Variants in WDR41 observed in about 807,000 individuals in gnomAD.
The protein encoded by WDR41 is WD repeat-containing protein 41.
A neutral mutation model predicts 69.3 loss-of-function variants in WDR41; 63 were observed. The ratio of observed to expected loss-of-function variants is 0.91; its 90% CI spans 0.74 to 1.12. The LOEUF (loss-of-function observed/expected upper bound fraction) is 1.12. WDR41 is among the 50% of genes most tolerant of loss of function. The probability of loss-of-function intolerance (pLI) is 0.00; values close to 1 mark genes in which losing one functional copy is unlikely to be tolerated. For missense variants in WDR41, 543 were observed against 534.5 expected (o/e 1.02, Z -0.16); for synonymous variants, 185 against 192.1 (o/e 0.96, Z 0.31).
Position 77,440,912 on chromosome 5 carries a change from G to C in WDR41, c.783C>G (p.Asn261Lys). The C allele has an allele frequency of 6.2e-7, 1 of 1,614,162 alleles. No individual in the cohort carries two copies. The highest frequency in any genetic ancestry group is 8.5e-7 in the Non-Finnish European group (1 of 1,180,032). ...LDWTMQAYER[N>K]FWDPSPQLDT... ...CCAGTTGTGGAGATGGGTCCCAGAAGTTGCGTTCATAGGCCTGCATGGTCC... is the reference window on the plus strand; with the variant it reads ...CCAGTTGTGGAGATGGGTCCCAGAACTTGCGTTCATAGGCCTGCATGGTCC... Residue 261 changes from asparagine (N) to lysine (K), a missense_variant, in exon 9 of 13, where the codon AAC becomes AAG. By Grantham distance (94) the Asn-to-Lys change is moderately conservative. Transcript: ENST00000296679.
chr5:77,449,847 T>C lies in WDR41; in HGVS notation c.610A>G (p.Thr204Ala), dbSNP rs771868607. The change falls in exon 8 of 13, where the codon ACA (threonine) becomes GCA (alanine). Residue 204 changes from threonine (T) to alanine (A), a missense_variant. Transcript: ENST00000296679. ...ELIIFRLVAP[T>A]EGSLEWDILE... Reference sequence around the variant, plus strand: ...ATATCCCATTCTAGTGATCCTTCTGTGGGTGCTACCAACCTGAAAATTACT... The same window carrying C: ...ATATCCCATTCTAGTGATCCTTCTGCGGGTGCTACCAACCTGAAAATTACT... The C allele has an allele frequency of 1.9e-6, 3 of 1,613,364 alleles. No homozygotes were observed. Among genetic ancestry groups the C allele is most frequent in the Non-Finnish European group, 2.5e-6 (3 of 1,179,450 alleles).
In WDR41 at chr5:77,481,700, G is replaced by A. The variant is rs558372353; in HGVS notation, c.167+7757C>T. Reference sequence around the variant, plus strand: ...CTCGGGAGGCTGAGGCAGAAGAATCGCTTGAACCTGGGAAGCGGTGGTTGG... The same window carrying A: ...CTCGGGAGGCTGAGGCAGAAGAATCACTTGAACCTGGGAAGCGGTGGTTGG... On this transcript the variant is annotated intron_variant, in intron 2 of 12. Transcript: ENST00000296679. Among the ~76,000 whole-genome samples, 366 of 147,734 alleles carry A rather than the reference G, an allele frequency of 2.5e-3. 3 individuals are homozygous for A. The highest frequency in any genetic ancestry group is 8.6e-3 in the African/African-American group (343 of 39,858).
At chr5:77,558,166 T>C (rs1743449016) in intron 1 of WDR41, among the ~76,000 whole-genome samples, 1 of 150,066 alleles carries the variant, frequency 6.7e-6, no homozygotes, top group African/African-American at 2.5e-5. Context: ...ATTCTTCAAA[T>C]GTTAATATAT....
intron 1 of WDR41, among the ~76,000 whole-genome samples, chr5:77,603,815 A>G (rs1014073920): frequency 6.6e-6 from 1 of 152,162 alleles, no homozygotes; most frequent in Non-Finnish European, 1.5e-5. Flanking sequence ...TCTTAGTACC[A>G]TTTATTGAAG....
chr5:77,519,127 G>A (rs1802334862), intron 1 of WDR41, among the ~76,000 whole-genome samples: 1 of 151,890 alleles, frequency 6.6e-6, no homozygotes, highest in South Asian at 2.1e-4. Flanking sequence ...ATTCAATAAT[G>A]AATTACTGTA....
chr5:77,499,580 C>T (rs1801987455), intron 1 of WDR41: 1 of 152,174 alleles, frequency 6.6e-6, no homozygotes, highest in Non-Finnish European at 1.5e-5. Flanking sequence ...CAAACCCAGA[C>T]CTGTTTTTTC....
chr5:77,496,184 G>A (rs537591697), upstream of WDR41, among the ~76,000 whole-genome samples: 1 of 152,086 alleles, frequency 6.6e-6, no homozygotes, highest in South Asian at 2.1e-4. Flanking sequence ...AAGACTGAAA[G>A]CTTCTCCCCT....
At chr5:77,557,920 T>C (rs1184901289) in intron 1 of WDR41, among the ~76,000 whole-genome samples, 2 of 152,114 alleles carry the variant, frequency 1.3e-5, no homozygotes, top group African/African-American at 2.4e-5. Flanking sequence ...ACGGTATGAT[T>C]ATCTTTATAT....
At chr5:77,610,514 G>A (rs1338252591) in intron 1 of WDR41, among the ~76,000 whole-genome samples, 1 of 152,002 alleles carries the variant, frequency 6.6e-6, no homozygotes, top group African/African-American at 2.4e-5. Context: ...CATTCTTAAA[G>A]AAAAGAATTT....
chr5:77,533,359 A>C lies in WDR41; in HGVS notation c.43-43787T>G, dbSNP rs189602363. Among the ~76,000 whole-genome samples the C allele has an allele frequency of 3.9e-5, 6 of 152,374 alleles. No homozygotes were observed. The East Asian group carries it at 1.2e-3, about 29-fold the overall frequency. On this transcript the variant is annotated intron_variant, in intron 1 of 5. Transcript: ENST00000509971. Reference sequence around the variant, plus strand: ...ACATATTAAGGAAAGATAGGTAGTCAGAAGCAATGAACTCTAAAAAAAATA... The same window carrying C: ...ACATATTAAGGAAAGATAGGTAGTCCGAAGCAATGAACTCTAAAAAAAATA...
At chr5:77,444,204 T>C (rs1799286858) in intron 8 of WDR41, among the ~76,000 whole-genome samples, 1 of 152,122 alleles carries the variant, frequency 6.6e-6, no homozygotes, top group Admixed American at 6.6e-5. Context: ...TTTAAGCAGT[T>C]TACACATGGC....
At chr5:77,470,384 A>C (rs1029598515) in intron 2 of WDR41, among the ~76,000 whole-genome samples, 1 of 152,192 alleles carries the variant, frequency 6.6e-6, no homozygotes, top group Non-Finnish European at 1.5e-5. Flanking sequence ...CAAGCAAAAT[A>C]ACCAGCTAAC....
intron 1 of WDR41, among the ~76,000 whole-genome samples, chr5:77,553,432 C>T (rs1743334445): frequency 6.6e-6 from 1 of 152,090 alleles, no homozygotes. Context: ...GAGCAGAATC[C>T]CCCTGATTTA....
chr5:77,532,681 T>C (rs1434130673), intron 1 of WDR41, among the ~76,000 whole-genome samples: 1 of 151,740 alleles, frequency 6.6e-6, no homozygotes, highest in African/African-American at 2.4e-5. Flanking sequence ...CTAAACATAA[T>C]AGCAAATGAA....
chr5:77,536,780 C>G (rs1742995752), intron 1 of WDR41, among the ~76,000 whole-genome samples: 1 of 152,132 alleles, frequency 6.6e-6, no homozygotes, highest in Non-Finnish European at 1.5e-5. Context: ...GTATAGCAGG[C>G]TAAACCATCG....
intron 1 of WDR41, among the ~76,000 whole-genome samples, chr5:77,519,291 T>A (rs1246007659): frequency 6.6e-6 from 1 of 151,970 alleles, no homozygotes; most frequent in African/African-American, 2.4e-5. Flanking sequence ...TCAAAGTATG[T>A]AAGACCAAAC....
At chr5:77,556,930 G>C (rs200701286) in intron 1 of WDR41, among the ~76,000 whole-genome samples, 1 of 152,078 alleles carries the variant, frequency 6.6e-6, no homozygotes, top group East Asian at 1.9e-4. Flanking sequence ...CCAAGGGAGG[G>C]GGCACCTGGG....
chr5:77,509,841 T>C (rs546765765), intron 1 of WDR41, among the ~76,000 whole-genome samples: 3 of 152,332 alleles, frequency 2.0e-5, no homozygotes, highest in African/African-American at 7.2e-5. Flanking sequence ...TTATATGATA[T>C]GTGATTTATA....
chr5:77,476,197 C>T (rs142521171), intron 2 of WDR41, among the ~76,000 whole-genome samples: 2,754 of 152,254 alleles, frequency 0.018, 38 homozygotes, highest in Middle Eastern at 0.061. Context: ...CTACGTCTGA[C>T]TGGTGTAACT....
Sources: allele counts gnomAD v4.1 joint callset (sites outside exome capture counted in the v4.1 genomes callset), GRCh38; gene constraint gnomAD v4.1.1; transcripts MANE v1.5; gene names NCBI Gene and HGNC (gene_info 2026-07-23, HGNC 2026-07-21).